Variants in ERMARD observed in about 807,000 individuals in gnomAD.
ERMARD encodes the protein endoplasmic reticulum membrane-associated RNA degradation protein.
A neutral mutation model predicts 83.9 loss-of-function variants in ERMARD; 71 were observed. The observed-to-expected ratio is 0.85, with a 90% confidence interval of 0.70 to 1.03. The LOEUF (loss-of-function observed/expected upper bound fraction) is 1.03. ERMARD is among the 50% of genes least tolerant of loss of function. ERMARD has a pLI of 0.00. For missense variants in ERMARD, 838 were observed against 810.9 expected (o/e 1.03, Z -0.41); for synonymous variants, 284 against 298.6 (o/e 0.95, Z 0.50).
rs1562348817 is a variant in ERMARD at position 169,775,912 on chromosome 6, G to GT, written c.1395-27dup. ...CTGATGTGAGCACTTTAATTGTCACGTATCTTTAAATATTTTCTGTTTTTC... is the reference window on the plus strand; with the variant it reads ...CTGATGTGAGCACTTTAATTGTCACGTTATCTTTAAATATTTTCTGTTTTTC... On this transcript the variant is annotated intron_variant, in intron 14 of 17. Coordinates refer to ENST00000366773, the MANE Select transcript of ERMARD (RefSeq NM_018341.3). 4 of 1,612,472 alleles carry GT rather than the reference G, an allele frequency of 2.5e-6. No individual in the cohort carries two copies. In the Admixed American group the frequency reaches 5.0e-5, roughly 20 times the overall value.
At chr6:169,761,997 T>C (rs4716393) in intron 8 of ERMARD, among the ~76,000 whole-genome samples, 10,135 of 151,852 alleles carry the variant, frequency 0.067, 641 homozygotes, top group East Asian at 0.17. Context: ...CTGTTTTGCT[T>C]CTCGTATTAG....
rs1233556294 is a variant in ERMARD, at chr6:169,776,067, T to C, written c.1520+2T>C. ...CTTGGATCGTCTTCCTACTGAGACG[T>C]AAGTTCCAGGACATCCTGACAACTG... On this transcript the variant is annotated splice_donor_variant, in intron 15 of 17. Coordinates refer to ENST00000366773, the MANE Select transcript of ERMARD (RefSeq NM_018341.3). LOFTEE classifies it high-confidence loss of function. The C allele has an allele frequency of 6.2e-7, 1 of 1,613,056 alleles. No homozygotes were observed. Among genetic ancestry groups the C allele is most frequent in the Non-Finnish European group, 8.5e-7 (1 of 1,179,698 alleles).
intron 2 of ERMARD, among the ~76,000 whole-genome samples, chr6:169,754,935 G>A (rs1411873408): frequency 1.3e-5 from 2 of 151,878 alleles, no homozygotes; most frequent in Non-Finnish European, 2.9e-5. Context: ...GTGTGAGCCT[G>A]GTTTAATTAA....
intron 12 of ERMARD, chr6:169,771,091 T>G (rs1792858467): frequency 6.6e-6 from 1 of 151,330 alleles, no homozygotes; most frequent in Admixed American, 6.6e-5. Context: ...TTTTTTTGTT[T>G]TTTTTTTATT....
intron 12 of ERMARD, chr6:169,772,124 CACTG>C (rs1394067676): frequency 1.3e-5 from 2 of 152,492 alleles, no homozygotes; most frequent in East Asian, 3.9e-4. Flanking sequence ...GTGTTGCTGG[CACTG>C]ACTGGTCTGC....
chr6:169,773,171 T>G (rs962389497), intron 12 of ERMARD, 148 bp from the exon 13 acceptor site: 6 of 614,304 alleles, frequency 9.8e-6, no homozygotes, highest in Non-Finnish European at 1.7e-5. Flanking sequence ...GTCAAGCCTA[T>G]TTTAATGAAG....
intron 2 of ERMARD, among the ~76,000 whole-genome samples, chr6:169,754,285 T>C (rs773728115): frequency 9.2e-4 from 140 of 152,092 alleles, no homozygotes; most frequent in Non-Finnish European, 1.4e-3. Context: ...GAGGGGCTGG[T>C]GGGCTGTTGA....
chr6:169,758,322 G>T (rs776550572), intron 5 of ERMARD, among the ~76,000 whole-genome samples: 1 of 152,120 alleles, frequency 6.6e-6, no homozygotes, highest in Non-Finnish European at 1.5e-5. Flanking sequence ...TAAGTATGGC[G>T]CCTCAAACCC....
At chr6:169,778,491 G>A (rs1793844397) in intron 16 of ERMARD, among the ~76,000 whole-genome samples, 1 of 152,158 alleles carries the variant, frequency 6.6e-6, no homozygotes, top group African/African-American at 2.4e-5. Flanking sequence ...CACTTATAGA[G>A]TATATTTTAG....
chr6:169,764,255 T>C (rs1563020858), intron 9 of ERMARD, among the ~76,000 whole-genome samples: 2 of 151,570 alleles, frequency 1.3e-5, no homozygotes, highest in Non-Finnish European at 2.9e-5. Context: ...TTTTTTTAGT[T>C]AGTTTTTTTT....
intron 7 of ERMARD, 95 bp downstream of exon 7, chr6:169,760,069 G>T: frequency 1.3e-6 from 2 of 1,556,126 alleles, no homozygotes; most frequent in Non-Finnish European, 1.7e-6. Context: ...GAGGTGGGGT[G>T]AAGTAGTTGT....
chr6:169,774,588 T>G (rs1222086080), intron 13 of ERMARD, among the ~76,000 whole-genome samples: 1 of 152,196 alleles, frequency 6.6e-6, no homozygotes, highest in Non-Finnish European at 1.5e-5. Flanking sequence ...TCCTGGCATC[T>G]CACAGGTATT....
chr6:169,756,377 TCTC>T lies in ERMARD; in HGVS notation c.358_360del (p.Pro120del). The T allele has an allele frequency of 6.2e-7, 1 of 1,611,840 alleles. No individual in the cohort carries two copies. The highest frequency in any genetic ancestry group is 1.1e-5 in the South Asian group (1 of 90,554). On this transcript the variant is annotated inframe_deletion, in exon 4 of 18. Transcript: ENST00000366773. Reference sequence around the variant, plus strand: ...ATTTGATGCCTTGGAAAGTCTACAATCTCCTGCTATTTCTCTTAGCTTAATGAA... The same window carrying T: ...ATTTGATGCCTTGGAAAGTCTACAATCTGCTATTTCTCTTAGCTTAATGAA...
In ERMARD at chr6:169,756,436, T is replaced by C; in HGVS notation, c.414T>C (p.Gly138=). 1 of 1,597,360 alleles carries C rather than the reference T, an allele frequency of 6.3e-7. No individual in the cohort carries two copies. The highest frequency in any genetic ancestry group is 2.2e-5 in the East Asian group (1 of 44,676). The part of the protein sequence containing the change: ...KLTSCLERAL[G]DVFLLIGKEC... ...CATCGTGTCTAGAACGAGCCTTGGG[T>C]GATGTAAGTGTGAGAACTCTTTCAT... Residue 138 remains glycine (G), a synonymous_variant, in exon 4 of 18, where the codon GGT becomes GGC. Transcript: ENST00000366773.
intron 2 of ERMARD, among the ~76,000 whole-genome samples, chr6:169,754,995 T>C (rs1230494315): frequency 1.3e-5 from 2 of 152,220 alleles, no homozygotes; most frequent in African/African-American, 4.8e-5. Flanking sequence ...CCTGGTTTTC[T>C]GTATTCTTAT....
chr6:169,767,770 C>G, intron 10 of ERMARD: 1 of 340,346 alleles, frequency 2.9e-6, no homozygotes, highest in Non-Finnish European at 5.5e-6. Context: ...CACACACACA[C>G]ACACACACAC....
intron 2 of ERMARD, among the ~76,000 whole-genome samples, chr6:169,754,944 A>T (rs1008176320): frequency 1.3e-5 from 2 of 150,312 alleles, no homozygotes; most frequent in Admixed American, 6.6e-5. Flanking sequence ...TGGTTTAATT[A>T]AAAAAAAAAT....
chr6:169,768,289 T>C, intron 11 of ERMARD, 118 bp downstream of exon 11: 1 of 864,602 alleles, frequency 1.2e-6, no homozygotes, highest in South Asian at 1.6e-5. Context: ...TTCTGAAACA[T>C]TGCTGTGCTG....
Position 169,766,271 on chromosome 6 carries a change from T to C in ERMARD, c.961-367T>C, listed in dbSNP as rs573789043. ...AATAAAAACAGACAAGGCTATTCAT[T>C]GGAGAAAATAGGAAGCTGTGCTCCC... is the stretch of plus-strand genomic sequence containing the variant. On this transcript the variant is annotated intron_variant, in intron 9 of 17. Transcript: ENST00000366773. 5.9e-5 allele frequency among the ~76,000 whole-genome samples: 9 copies of C among 152,304 alleles called. No homozygotes were observed. The East Asian group carries it at 1.7e-3, about 29-fold the overall frequency.
Sources: gnomAD v4.1 joint callset for allele counts (sites outside exome capture counted in the v4.1 genomes callset) on GRCh38, gnomAD v4.1.1 for gene constraint, MANE v1.5 for transcripts, NCBI Gene and HGNC (gene_info 2026-07-23, HGNC 2026-07-21) for gene names.